The following OSTF1 variants were observed in gnomAD, a reference collection of about 807,000 sequenced individuals.
OSTF1 encodes osteoclast stimulating factor 1.
In OSTF1, 27 loss-of-function variants were observed where a neutral mutation model predicts 37.2. That is an observed-to-expected ratio of 0.73 (90% CI 0.54 to 1.00). The LOEUF is 1.00. OSTF1 is among the 50% of genes least tolerant of loss of function. OSTF1 has a pLI of 0.00. For missense variants in OSTF1, 232 were observed against 253.8 expected (o/e 0.91, Z 0.58); for synonymous variants, 82 against 89.2 (o/e 0.92, Z 0.46).
In OSTF1 at chr9:75,088,514, A is replaced by ATTGGG; in HGVS notation, c.-179_-178insTTGGG. On this transcript the variant is annotated 5_prime_UTR_variant, in exon 1 of 10. Coordinates refer to ENST00000346234, the MANE Select transcript of OSTF1 (RefSeq NM_012383.5). ...CGGCGGCCGCGGGGCGGGGCGGAGC[A>ATTGGG]CTCGGCGGAGCCGCTCTGCCTGCGT... 1.5e-6 allele frequency: 1 copy of ATTGGG among 652,414 alleles called. No homozygotes were observed. The highest frequency in any genetic ancestry group is 2.8e-5 in the East Asian group (1 of 35,236). 40.4% of individuals were successfully genotyped at this position (652,414 alleles called of 1,614,324 possible).
intron 1 of OSTF1, among the ~76,000 whole-genome samples, chr9:75,101,546 G>A (rs548805796): frequency 1.3e-5 from 2 of 152,274 alleles, no homozygotes; most frequent in African/African-American, 4.8e-5. Context: ...TCTTGTACGT[G>A]CTACATAAGA....
At chr9:75,107,722 AGGGGAACAC>A (rs1325877944) in intron 1 of OSTF1, among the ~76,000 whole-genome samples, 5 of 152,180 alleles carry the variant, frequency 3.3e-5, no homozygotes, top group Admixed American at 3.3e-4. Context: ...ACATGACCAG[AGGGGAACAC>A]AGAAGTTCGC....
chr9:75,124,820 T>C (rs1255049481), intron 2 of OSTF1, among the ~76,000 whole-genome samples: 2 of 152,222 alleles, frequency 1.3e-5, no homozygotes, highest in Non-Finnish European at 2.9e-5. Flanking sequence ...AGTGATTTTA[T>C]TAAATATGGA....
intron 1 of OSTF1, among the ~76,000 whole-genome samples, chr9:75,106,121 G>T (rs1286449403): frequency 6.6e-6 from 1 of 152,200 alleles, no homozygotes; most frequent in Non-Finnish European, 1.5e-5. Flanking sequence ...TGGGGAAGAG[G>T]TGGTGTTAGA....
chr9:75,133,739 C>T (rs1825802566), intron 6 of OSTF1, among the ~76,000 whole-genome samples: 1 of 152,200 alleles, frequency 6.6e-6, no homozygotes, highest in Admixed American at 6.5e-5. Context: ...TCTAGCTTAG[C>T]TTTTCACAAG....
At chr9:75,089,282 G>A (rs577696177) in intron 1 of OSTF1, among the ~76,000 whole-genome samples, 3 of 150,710 alleles carry the variant, frequency 2.0e-5, no homozygotes, top group Middle Eastern at 6.8e-3. Context: ...CTATACTCGC[G>A]CTCCTGGTGG....
chr9:75,136,186 T>C lies in OSTF1; in HGVS notation c.409-1352T>C, dbSNP rs115221178. Among the ~76,000 whole-genome samples, 1,443 of 152,336 alleles carry C rather than the reference T, an allele frequency of 9.5e-3. 21 individuals carry two copies. Among genetic ancestry groups the C allele is most frequent in the African/African-American group, 0.033 (1,382 of 41,572 alleles). On this transcript the variant is annotated intron_variant, in intron 7 of 9. Transcript: ENST00000346234. ...TAAGCCCTTATTTTACTCTGATTGTTACTTTTACGTAGTATCTTTTTCTTG... is the reference window on the plus strand; with the variant it reads ...TAAGCCCTTATTTTACTCTGATTGTCACTTTTACGTAGTATCTTTTTCTTG...
At chr9:75,114,966 C>T (rs775281064) in intron 1 of OSTF1, among the ~76,000 whole-genome samples, 1 of 152,154 alleles carries the variant, frequency 6.6e-6, no homozygotes, top group African/African-American at 2.4e-5. Context: ...GGTAGGCACT[C>T]GGGTGTCTCA....
At chr9:75,130,755 A>G in intron 4 of OSTF1, 114 bp downstream of exon 4, 1 of 709,486 alleles carries the variant, frequency 1.4e-6, no homozygotes, top group East Asian at 2.6e-5. Flanking sequence ...TTGTCAGTCT[A>G]GGACATTTTC....
chr9:75,090,547 C>A (rs1824953937), intron 1 of OSTF1, among the ~76,000 whole-genome samples: 1 of 152,058 alleles, frequency 6.6e-6, no homozygotes. Flanking sequence ...TTTGAATCAA[C>A]ATTAATTTAC....
intron 2 of OSTF1, among the ~76,000 whole-genome samples, chr9:75,122,457 T>C (rs1192791781): frequency 2.0e-5 from 3 of 152,194 alleles, no homozygotes; most frequent in Non-Finnish European, 4.4e-5. Context: ...GCAAGTAAAA[T>C]ATGCTGCCAT....
At chr9:75,120,101 C>T (rs1825555439) in intron 2 of OSTF1, among the ~76,000 whole-genome samples, 1 of 152,154 alleles carries the variant, frequency 6.6e-6, no homozygotes. Context: ...TTATGATGAA[C>T]CCAATAAACT....
At chr9:75,122,918 A>G (rs755979541) in intron 2 of OSTF1, among the ~76,000 whole-genome samples, 2 of 152,242 alleles carry the variant, frequency 1.3e-5, no homozygotes, top group Non-Finnish European at 2.9e-5. Flanking sequence ...TTTCAAAAGT[A>G]TATCAGTTTT....
intron 1 of OSTF1, among the ~76,000 whole-genome samples, chr9:75,098,567 A>G (rs1564153759): frequency 6.6e-6 from 1 of 152,148 alleles, no homozygotes; most frequent in East Asian, 1.9e-4. Context: ...GAGATACTGA[A>G]GACTTTTATG....
At chr9:75,090,292 CAGGT>C (rs550999570) in intron 1 of OSTF1, among the ~76,000 whole-genome samples, 1,562 of 122,334 alleles carry the variant, frequency 0.013, 11 homozygotes, top group Non-Finnish European at 0.021. Flanking sequence ...GGGACATTGA[CAGGT>C]GTGTGTGTGT....
intron 2 of OSTF1, 90 bp from the exon 3 acceptor site, chr9:75,127,479 T>G (rs1825679300): frequency 1.4e-6 from 1 of 699,048 alleles, no homozygotes; most frequent in Middle Eastern, 2.5e-4. Flanking sequence ...ACCACATTGC[T>G]TATTAGAATA....
intron 1 of OSTF1, among the ~76,000 whole-genome samples, chr9:75,109,200 A>T (rs369246558): frequency 4.0e-5 from 6 of 151,850 alleles, no homozygotes; most frequent in African/African-American, 7.3e-5. Flanking sequence ...TTTAGTAGAG[A>T]TGAGGTTTCA....
chr9:75,132,305 A>G (rs1825772800), intron 5 of OSTF1, among the ~76,000 whole-genome samples: 1 of 152,132 alleles, frequency 6.6e-6, no homozygotes, highest in African/African-American at 2.4e-5. Context: ...GGAGGGCATG[A>G]CTAACAGGGA....
Position 75,137,522 on chromosome 9 carries a change from CT to C in OSTF1, c.409-11del. ...CTCTATCTTAAAAATGGTACTTTCT[CT>C]TTTTATCACTATAGAACAAGTTGGG... On this transcript the variant is annotated splice_polypyrimidine_tract_variant and intron_variant, in intron 7 of 9. Coordinates refer to ENST00000346234, the MANE Select transcript of OSTF1 (RefSeq NM_012383.5). The C allele has an allele frequency of 6.4e-7, 1 of 1,558,370 alleles. No individual in the cohort carries two copies. Among genetic ancestry groups the C allele is most frequent in the Non-Finnish European group, 8.9e-7 (1 of 1,129,726 alleles).
Sources: allele counts gnomAD v4.1 joint callset (sites outside exome capture counted in the v4.1 genomes callset), GRCh38; gene constraint gnomAD v4.1.1; transcripts MANE v1.5; gene names NCBI Gene and HGNC (gene_info 2026-07-23, HGNC 2026-07-21).